Variants in GLCCI1 observed in about 807,000 individuals in gnomAD.
The protein encoded by GLCCI1 is glucocorticoid-induced transcript 1 protein.
In GLCCI1, 24 loss-of-function variants were observed where a neutral mutation model predicts 52.2. That is an observed-to-expected ratio of 0.46 (90% CI 0.33 to 0.65). The LOEUF (loss-of-function observed/expected upper bound fraction) is 0.65, where lower values mean the gene tolerates loss of function less well. Among genes scored for constraint, GLCCI1 ranks in the 30% least tolerant of loss-of-function variants. The probability of loss-of-function intolerance (pLI) is 0.02; values close to 1 mark genes in which losing one functional copy is unlikely to be tolerated. For synonymous variants in GLCCI1, 310 were observed against 276.5 expected, an observed-to-expected ratio of 1.12 and a Z score of -1.20; for missense variants, 704 against 701.5, an observed-to-expected ratio of 1.00 and a Z score of -0.04.
rs184800629 is a variant in GLCCI1 at position 8,044,912 on chromosome 7, G to C, written c.697-10521G>C. On this transcript the variant is annotated intron_variant, in intron 3 of 7. Coordinates refer to ENST00000223145, the MANE Select transcript of GLCCI1 (RefSeq NM_138426.4). ...AAAGTCTTGGTGATGAGTGGATGTT[G>C]ATGCTTACAGTAAGTCCTCACTTAA... Among the ~76,000 whole-genome samples the C allele has an allele frequency of 1.5e-3, 231 of 152,292 alleles. 1 individual carries two copies. The highest frequency in any genetic ancestry group is 5.0e-3 in the African/African-American group (207 of 41,576).
chr7:8,000,864 T>A (rs529331272), intron 1 of GLCCI1, among the ~76,000 whole-genome samples: 23 of 152,006 alleles, frequency 1.5e-4, no homozygotes, highest in African/African-American at 5.1e-4. Flanking sequence ...TTGCAATCCC[T>A]GCTTTTTTTT....
chr7:7,998,454 C>T (rs991184214), intron 1 of GLCCI1, among the ~76,000 whole-genome samples: 2 of 152,264 alleles, frequency 1.3e-5, no homozygotes, highest in African/African-American at 4.8e-5. Context: ...GACCTCAGGT[C>T]ATCCACCCAC....
chr7:8,070,137 C>A (rs1336743432), intron 5 of GLCCI1: 1 of 152,214 alleles, frequency 6.6e-6, no homozygotes, highest in Non-Finnish European at 1.5e-5. Context: ...ATAGGTTCCT[C>A]ATTTGTGAAA....
At position 8,086,320 on chromosome 7, in the gene GLCCI1, A is replaced by G. The variant is rs781415547; in HGVS notation, c.1426A>G (p.Met476Val). The G allele has an allele frequency of 4.3e-6, 7 of 1,613,868 alleles. No homozygotes were observed. The highest frequency in any genetic ancestry group is 2.7e-5 in the African/African-American group (2 of 74,862). The change falls in exon 8 of 8, where the codon ATG becomes GTG. Residue 476 changes from methionine (M) to valine (V), a missense_variant. Around this residue, in one of 3 missense-constraint regions of GLCCI1, gnomAD observed 149 missense variants for 152.9 expected, o/e 0.97. Coordinates refer to ENST00000223145, the MANE Select transcript of GLCCI1 (RefSeq NM_138426.4). This position sits in a 1 kb window ranked among gnomAD's most constrained non-coding sequence, Gnocchi z 4.4. ...CCCCCTCTTACCTGCTTCTGACCTT[A>G]TGCTCAAGAACTCCCCTAACTCTGG... ...LGPLLPASDL[M>V]LKNSPNSGQS...
In GLCCI1 at chr7:8,086,744, G is replaced by GT. The variant is rs1426450329; in HGVS notation, c.*207dup. On this transcript the variant is annotated 3_prime_UTR_variant, in exon 8 of 8. Transcript: ENST00000223145. The surrounding 1 kb of genome is among the most constrained non-coding windows in gnomAD (Gnocchi z 4.4). ...AAGCAGTAATGCTTGCAAAACGTGT[G>GT]TGTCATTCAGCATTTTAAGTGGAGA... 3 of 548,978 alleles carry GT rather than the reference G, an allele frequency of 5.5e-6. No individual in the cohort carries two copies. In the African/African-American group the frequency reaches 5.6e-5, roughly 10 times the overall value. 34.0% of individuals were successfully genotyped at this position (548,978 alleles called of 1,614,324 possible). A position where few individuals can be genotyped will look rare whatever the true frequency, so the allele number is the denominator to read the frequency against.
At chr7:8,059,877 C>A (rs1782476602) in intron 4 of GLCCI1, among the ~76,000 whole-genome samples, 1 of 152,166 alleles carries the variant, frequency 6.6e-6, no homozygotes, top group Non-Finnish European at 1.5e-5. Flanking sequence ...TTTATACTTA[C>A]ATAAAGGGAT....
rs112372516 is a variant in GLCCI1 at position 8,062,240 on chromosome 7, A to G, written c.966+1992A>G. Among the ~76,000 whole-genome samples, 39 of 152,328 alleles carry G rather than the reference A, an allele frequency of 2.6e-4. 1 individual carries two copies. The highest frequency in any genetic ancestry group is 5.8e-4 in the African/African-American group (24 of 41,564). On this transcript the variant is annotated intron_variant, in intron 5 of 7. Coordinates refer to ENST00000223145, the MANE Select transcript of GLCCI1 (RefSeq NM_138426.4). ...AAGTTTTAGATTTATGATTAAGTGT[A>G]CCTCAAAGTTTTAATTAAAATATCA...
intron 1 of GLCCI1, among the ~76,000 whole-genome samples, chr7:7,983,922 G>C (rs1323366846): frequency 1.3e-5 from 2 of 152,146 alleles, no homozygotes; most frequent in African/African-American, 4.8e-5. Flanking sequence ...AGATAGGTGG[G>C]ATAAAGATGG....
chr7:8,011,434 A>G (rs748780225), intron 2 of GLCCI1, among the ~76,000 whole-genome samples: 2 of 152,200 alleles, frequency 1.3e-5, no homozygotes, highest in Non-Finnish European at 2.9e-5. Flanking sequence ...TACTTAGTAT[A>G]ATGATTTCAG....
At chr7:7,981,280 CT>C (rs1274810185) in intron 1 of GLCCI1, 6 of 248,958 alleles carry the variant, frequency 2.4e-5, no homozygotes, top group African/African-American at 7.2e-5. Context: ...TTCTTTCTTT[CT>C]TTCTCTCTCC....
intron 1 of GLCCI1, chr7:7,981,055 G>T: frequency 2.1e-6 from 1 of 477,332 alleles, no homozygotes; most frequent in Admixed American, 2.9e-5. Context: ...TAAAACTCAG[G>T]CTTTACTTTT....
At chr7:8,022,735 T>C in intron 3 of GLCCI1, 166 bp downstream of exon 3, 1 of 310,680 alleles carries the variant, frequency 3.2e-6, no homozygotes. Context: ...GGCAGGTTTT[T>C]GTAAGGTTAG....
At chr7:8,074,845 G>C (rs919844390) in intron 6 of GLCCI1, among the ~76,000 whole-genome samples, 2 of 152,044 alleles carry the variant, frequency 1.3e-5, no homozygotes, top group African/African-American at 2.4e-5. Context: ...AGTCAACTAG[G>C]ATTGATTTGA....
chr7:7,973,406 T>TTGTGTGTG (rs1190596785), intron 1 of GLCCI1, among the ~76,000 whole-genome samples: 1 of 83,894 alleles, frequency 1.2e-5, no homozygotes, highest in African/African-American at 4.4e-5. Context: ...ATGCAAATCT[T>TTGTGTGTG]TGTGTGCGTG....
At chr7:8,062,897 G>C (rs150261076) in intron 5 of GLCCI1, among the ~76,000 whole-genome samples, 17 of 152,218 alleles carry the variant, frequency 1.1e-4, no homozygotes, top group Admixed American at 4.6e-4. Context: ...GATTCTGTAT[G>C]TTTGTTATTG....
At chr7:8,017,249 G>A (rs1781397748) in intron 2 of GLCCI1, among the ~76,000 whole-genome samples, 1 of 152,020 alleles carries the variant, frequency 6.6e-6, no homozygotes, top group Non-Finnish European at 1.5e-5. Flanking sequence ...AATATTTTTG[G>A]CCATATGTAG....
At position 8,060,235 on chromosome 7, in the gene GLCCI1, A is replaced by C; in HGVS notation, c.953A>C (p.Glu318Ala). 2.5e-6 allele frequency: 4 copies of C among 1,611,116 alleles called. No individual in the cohort carries two copies. In the African/African-American group the frequency reaches 4.0e-5, roughly 16 times the overall value. ...KVFIKENNGK[E>A]EVSKPLDIPD... ...TTCATTAAAGAAAATAATGGGAAGG[A>C]AGAAGTATCCAAGGTAAGGTTACAT... Residue 318 changes from glutamate to alanine, a missense_variant, in exon 5 of 8, where the codon GAA (glutamate) becomes GCA (alanine). Transcript: ENST00000223145.
intron 1 of GLCCI1, among the ~76,000 whole-genome samples, chr7:7,989,140 A>G (rs559323170): frequency 1.3e-5 from 2 of 152,302 alleles, no homozygotes; most frequent in Admixed American, 1.3e-4. Flanking sequence ...TTTTATTGTG[A>G]TAAGGCACTA....
At chr7:7,984,677 G>A (rs1361626452) in intron 1 of GLCCI1, among the ~76,000 whole-genome samples, 4 of 152,180 alleles carry the variant, frequency 2.6e-5, no homozygotes, top group African/African-American at 9.7e-5. Flanking sequence ...ATCTGAGGTT[G>A]TAAAAACATA....
Sources: allele counts gnomAD v4.1 joint callset (sites outside exome capture counted in the v4.1 genomes callset), GRCh38; gene constraint gnomAD v4.1.1; regional missense constraint gnomAD v4.1.1; non-coding constraint Gnocchi (gnomAD v3.1); transcripts MANE v1.5; gene names NCBI Gene and HGNC (gene_info 2026-07-23, HGNC 2026-07-21).